HTR2C: variants seen among roughly 807,000 people sequenced by gnomAD.
HTR2C encodes the protein 5-hydroxytryptamine (serotonin) receptor 2C, G protein-coupled.
In HTR2C, 5 loss-of-function variants were observed where a neutral mutation model predicts 21.0. The observed-to-expected ratio is 0.24, with a 90% CI of 0.12 to 0.50. The LOEUF is 0.50. Among genes scored for constraint, HTR2C ranks in the 20% least tolerant of loss-of-function variants. The probability of loss-of-function intolerance (pLI) is 0.98; values close to 1 mark genes in which losing one functional copy is unlikely to be tolerated. For synonymous variants in HTR2C, 150 were observed against 145.3 expected, an observed-to-expected ratio of 1.03 and a Z score of -0.23; for missense variants, 271 against 371.2, an observed-to-expected ratio of 0.73 and a Z score of 2.22.
At chrX:114,611,845 C>T (rs938144296) in intron 1 of HTR2C, among the ~76,000 whole-genome samples, 11 of 110,981 alleles carry the variant, frequency 9.9e-5, no homozygotes, top group Non-Finnish European at 5.7e-5. Flanking sequence ...CTATAGGCGC[C>T]CGCCACCACG....
intron 4 of HTR2C, among the ~76,000 whole-genome samples, chrX:114,761,479 C>A (rs1556432275): frequency 9.0e-6 from 1 of 111,402 alleles, no homozygotes; most frequent in African/African-American, 3.3e-5. Context: ...CCCTAGACAA[C>A]AATCAACCCA....
At chrX:114,895,427 T>A (rs2071289129) in intron 5 of HTR2C, among the ~76,000 whole-genome samples, 1 of 111,554 alleles carries the variant, frequency 9.0e-6, no homozygotes, top group Admixed American at 9.6e-5. Flanking sequence ...GTAATTTGTG[T>A]TCTTTCTCCT....
intron 3 of HTR2C, among the ~76,000 whole-genome samples, chrX:114,729,494 A>C (rs782271295): frequency 9.8e-5 from 11 of 112,052 alleles, no homozygotes; most frequent in Admixed American, 6.7e-4. Context: ...GAGTAATCAA[A>C]GCTGAGAGCG....
intron 2 of HTR2C, among the ~76,000 whole-genome samples, chrX:114,715,608 A>G (rs1932979256): frequency 8.9e-6 from 1 of 112,069 alleles, no homozygotes; most frequent in Non-Finnish European, 1.9e-5. Flanking sequence ...CTTGTCGTGT[A>G]CTTAACTCAC....
chrX:114,600,226 A>T (rs1355648759), intron 1 of HTR2C, among the ~76,000 whole-genome samples: 1 of 112,432 alleles, frequency 8.9e-6, no homozygotes, highest in Non-Finnish European at 1.9e-5. Flanking sequence ...ATTCAAACCC[A>T]TATCTGTCTA....
At chrX:114,845,912 CTTAG>C (rs1315679830) in intron 4 of HTR2C, among the ~76,000 whole-genome samples, 1 of 110,170 alleles carries the variant, frequency 9.1e-6, no homozygotes, top group Non-Finnish European at 1.9e-5. Flanking sequence ...ACTCAGGAGG[CTTAG>C]TTAGGAAGAT....
intron 4 of HTR2C, among the ~76,000 whole-genome samples, chrX:114,786,292 C>A (rs1463163233): frequency 1.8e-5 from 2 of 111,261 alleles, no homozygotes; most frequent in African/African-American, 6.5e-5. Flanking sequence ...AAGTGTGAAC[C>A]CCATGATCCA....
At chrX:114,662,410 G>A (rs1331635813) in intron 2 of HTR2C, among the ~76,000 whole-genome samples, 1 of 111,239 alleles carries the variant, frequency 9.0e-6, no homozygotes, top group Non-Finnish European at 1.9e-5. Flanking sequence ...TAGTTCTACA[G>A]TATGTTGTGT....
At chrX:114,881,333 T>C (rs1556479815) in intron 5 of HTR2C, among the ~76,000 whole-genome samples, 1 of 110,778 alleles carries the variant, frequency 9.0e-6, no homozygotes, top group African/African-American at 3.3e-5. Flanking sequence ...CAGTGTAAAA[T>C]TTTTTAATTT....
intron 4 of HTR2C, among the ~76,000 whole-genome samples, chrX:114,836,028 G>T (rs1400546437): frequency 2.8e-5 from 3 of 107,940 alleles, no homozygotes; most frequent in African/African-American, 1.0e-4. Flanking sequence ...GGGGGTCAGG[G>T]GTCAGGGACC....
chrX:114,636,183 G>A (rs180779107), intron 2 of HTR2C, among the ~76,000 whole-genome samples: 177 of 108,731 alleles, frequency 1.6e-3, no homozygotes, highest in African/African-American at 5.6e-3. Context: ...TAACAGGAAA[G>A]GTCATGCTCC....
At chrX:114,806,099 C>G (rs1462599367) in intron 4 of HTR2C, among the ~76,000 whole-genome samples, 1 of 100,082 alleles carries the variant, frequency 1.0e-5, no homozygotes, top group Non-Finnish European at 2.0e-5. Context: ...CACATATATA[C>G]ACCATATATA....
In HTR2C at chrX:114,585,176, A is replaced by T. The variant is rs781808769; in HGVS notation, c.-147+517A>T. 7.3e-5 allele frequency among the ~76,000 whole-genome samples: 8 copies of T among 109,856 alleles called. No individual in the cohort carries two copies. In the South Asian group the frequency reaches 3.2e-3, roughly 44 times the overall value. On this transcript the variant is annotated intron_variant, in intron 1 of 5. Coordinates refer to ENST00000276198, the MANE Select transcript of HTR2C (RefSeq NM_000868.4). The stretch of plus-strand genomic sequence containing the variant: ...AGTGTGTGCAGAGGGGGAACCAAGG[A>T]TCCTTTATTATGTTCTCATTGAAAA...
chrX:114,720,583 G>A (rs1299317010), intron 2 of HTR2C, among the ~76,000 whole-genome samples: 7 of 95,514 alleles, frequency 7.3e-5, no homozygotes, highest in Non-Finnish European at 1.5e-4. Context: ...AGTTACATAT[G>A]TATACATGTG....
At chrX:114,743,896 ATTAAG>A (rs1168322006) in intron 4 of HTR2C, among the ~76,000 whole-genome samples, 1 of 112,073 alleles carries the variant, frequency 8.9e-6, no homozygotes, top group African/African-American at 3.2e-5. Context: ...TCCTAAAATA[ATTAAG>A]TTGAGTTAAA....
Position 114,909,190 on chromosome X carries a change from T to C in HTR2C, c.*1775T>C, listed in dbSNP as rs201432652. 1 of 112,525 alleles carries C rather than the reference T, an allele frequency of 8.9e-6. No individual in the cohort carries two copies. Among genetic ancestry groups the C allele is most frequent in the Non-Finnish European group, 1.9e-5 (1 of 53,257 alleles). The allele number at this position is 112,525 out of a possible 1,213,427, so 9.3% of individuals were successfully genotyped here. On this transcript the variant is annotated 3_prime_UTR_variant, in exon 6 of 6. Transcript: ENST00000276198. ...TGCTTGAGCATGCCCAAATATAACATGAAAGTCAAGTCTACCTGCCTTGCC... is the reference window on the plus strand; with the variant it reads ...TGCTTGAGCATGCCCAAATATAACACGAAAGTCAAGTCTACCTGCCTTGCC...
intron 5 of HTR2C, among the ~76,000 whole-genome samples, chrX:114,871,347 A>C: frequency 8.9e-6 from 1 of 112,028 alleles, no homozygotes; most frequent in Admixed American, 9.5e-5. Context: ...TAAAATATGC[A>C]CTGTCCTTGA....
chrX:114,698,806 T>C (rs1327043314), intron 2 of HTR2C, among the ~76,000 whole-genome samples: 1 of 112,023 alleles, frequency 8.9e-6, no homozygotes, highest in African/African-American at 3.2e-5. Flanking sequence ...TTAGTGTCTT[T>C]GTCATGTGCA....
intron 2 of HTR2C, among the ~76,000 whole-genome samples, chrX:114,726,176 G>C (rs1373751651): frequency 1.8e-5 from 2 of 112,514 alleles, no homozygotes; most frequent in Non-Finnish European, 3.8e-5. Context: ...GACTCCGTGG[G>C]CATAGGACCC....
Sources: allele counts gnomAD v4.1 joint callset (sites outside exome capture counted in the v4.1 genomes callset), GRCh38; gene constraint gnomAD v4.1.1; transcripts MANE v1.5; gene names NCBI Gene and HGNC (gene_info 2026-07-23, HGNC 2026-07-21).